Variants in MB21D2 observed in about 807,000 individuals in gnomAD.
The protein encoded by MB21D2 is Mab-21 domain containing 2.
MB21D2 carries 9 observed loss-of-function variants against 33.3 expected under a neutral mutation model. That is an observed-to-expected ratio of 0.27 (90% confidence interval 0.16 to 0.47). MB21D2 has a LOEUF of 0.47. Ranked by LOEUF, MB21D2 falls within the 20% of genes least tolerant of loss-of-function variation. The pLI, the probability that MB21D2 is intolerant of heterozygous loss-of-function variation, is 0.99. For missense variants in MB21D2, 540 were observed against 624.6 expected (o/e 0.86, Z 1.44); for synonymous variants, 241 against 236.3 (o/e 1.02, Z -0.18).
At chr3:192,871,822 G>C (rs553984395) in intron 1 of MB21D2, among the ~76,000 whole-genome samples, 1 of 152,020 alleles carries the variant, frequency 6.6e-6, no homozygotes, top group African/African-American at 2.4e-5. Flanking sequence ...GACATGATGG[G>C]GACAACACTG....
chr3:192,798,619 T>C lies in MB21D2; in HGVS notation c.1243A>G (p.Ile415Val), dbSNP rs1720574231. ...SDPAEHLRTA[I>V]EHVKAANRLT... ...CGGTTGGCTGCCTTGACATGCTCAATGGCGGTGCGCAAGTGCTCTGCCGGG... is the reference window on the plus strand; with the variant it reads ...CGGTTGGCTGCCTTGACATGCTCAACGGCGGTGCGCAAGTGCTCTGCCGGG... Residue 415 changes from isoleucine (I) to valine (V), a missense_variant, in exon 2 of 2, where the codon ATT becomes GTT. Transcript: ENST00000392452. This position sits in a 1 kb window ranked among gnomAD's most constrained non-coding sequence, Gnocchi z 4.8. 1.2e-6 allele frequency: 2 copies of C among 1,613,984 alleles called. No homozygotes were observed. Among genetic ancestry groups the C allele is most frequent in the Non-Finnish European group, 1.7e-6 (2 of 1,180,026 alleles).
intron 1 of MB21D2, among the ~76,000 whole-genome samples, chr3:192,848,782 A>G (rs747915304): frequency 1.3e-5 from 2 of 152,224 alleles, no homozygotes; most frequent in South Asian, 2.1e-4. Context: ...CCTAGAACAA[A>G]TAAGACCCCA....
intron 1 of MB21D2, among the ~76,000 whole-genome samples, chr3:192,878,957 C>G (rs1256539426): frequency 1.3e-5 from 2 of 152,120 alleles, no homozygotes; most frequent in Non-Finnish European, 2.9e-5. Flanking sequence ...GAGGGACACT[C>G]TGTCTCTCAA....
intron 1 of MB21D2, among the ~76,000 whole-genome samples, chr3:192,854,134 G>A (rs1398327872): frequency 6.6e-6 from 1 of 152,246 alleles, no homozygotes; most frequent in African/African-American, 2.4e-5. Context: ...AAATGGTTAA[G>A]CTTAGTGAGG....
intron 1 of MB21D2, among the ~76,000 whole-genome samples, chr3:192,876,895 C>T (rs1713441055): frequency 6.6e-6 from 1 of 152,154 alleles, no homozygotes; most frequent in African/African-American, 2.4e-5. Context: ...CTATGTGCTC[C>T]TGTGGCACCC....
chr3:192,909,966 A>G (rs766161980), intron 1 of MB21D2, among the ~76,000 whole-genome samples: 59 of 132,256 alleles, frequency 4.5e-4, no homozygotes, highest in African/African-American at 7.3e-4. Context: ...AAAAAAAAGA[A>G]AGAGAGAGAG....
intron 1 of MB21D2, among the ~76,000 whole-genome samples, chr3:192,896,858 G>A (rs1713986068): frequency 6.6e-6 from 1 of 152,146 alleles, no homozygotes; most frequent in African/African-American, 2.4e-5. Context: ...GCTTATGGCT[G>A]TGGGACCCCC....
At chr3:192,858,373 C>T (rs1190683355) in intron 1 of MB21D2, among the ~76,000 whole-genome samples, 3 of 152,104 alleles carry the variant, frequency 2.0e-5, no homozygotes, top group Admixed American at 6.5e-5. Context: ...CTCATTCTCT[C>T]AATTTTTTCC....
intron 1 of MB21D2, among the ~76,000 whole-genome samples, chr3:192,874,304 CT>C (rs1194909282): frequency 2.0e-5 from 3 of 152,078 alleles, no homozygotes; most frequent in African/African-American, 7.2e-5. Context: ...GAATGAATGG[CT>C]GAACAAATGA....
rs113948091 is a variant in MB21D2 at position 192,877,984 on chromosome 3, A to G, written c.211+39646T>C. 7.7e-3 allele frequency among the ~76,000 whole-genome samples: 1,166 copies of G among 151,730 alleles called. 17 individuals are homozygous for G. Among genetic ancestry groups the G allele is most frequent in the African/African-American group, 0.027 (1,119 of 41,498 alleles). On this transcript the variant is annotated intron_variant, in intron 1 of 1. Transcript: ENST00000392452. The stretch of plus-strand genomic sequence containing the variant: ...GAACCTGTTATTGAAAAAGAAAAAA[A>G]AAAAAGAAAAAGAAACACTGAGAGG...
At chr3:192,818,320 T>C (rs1711971282) in intron 1 of MB21D2, among the ~76,000 whole-genome samples, 2 of 152,154 alleles carry the variant, frequency 1.3e-5, no homozygotes, top group Admixed American at 6.5e-5. Context: ...CACTGTAACA[T>C]GAACTGCTTG....
chr3:192,813,625 A>C (rs1390772155), intron 1 of MB21D2, among the ~76,000 whole-genome samples: 1 of 152,140 alleles, frequency 6.6e-6, no homozygotes, highest in African/African-American at 2.4e-5. Flanking sequence ...TAGAATTCTC[A>C]TTGTAGGGAT....
intron 1 of MB21D2, among the ~76,000 whole-genome samples, chr3:192,895,047 T>C (rs1713935352): frequency 7.0e-6 from 1 of 142,516 alleles, no homozygotes; most frequent in South Asian, 2.6e-4. Context: ...CAGCCAGTCC[T>C]ACACAGAAGC....
At chr3:192,899,162 G>T (rs568035822) in intron 1 of MB21D2, among the ~76,000 whole-genome samples, 4 of 152,332 alleles carry the variant, frequency 2.6e-5, no homozygotes, top group African/African-American at 9.6e-5. Flanking sequence ...TGGTAAAACG[G>T]AAGTGGTTAT....
chr3:192,816,693 C>T (rs1711933824), intron 1 of MB21D2, among the ~76,000 whole-genome samples: 1 of 152,048 alleles, frequency 6.6e-6, no homozygotes, highest in East Asian at 1.9e-4. Context: ...AGATTCACAG[C>T]TTTGAGGTGA....
chr3:192,843,601 G>A (rs369389197), intron 1 of MB21D2, among the ~76,000 whole-genome samples: 4 of 152,110 alleles, frequency 2.6e-5, no homozygotes, highest in East Asian at 1.9e-4. Flanking sequence ...AAACAGTGAC[G>A]TCTGTATACA....
intron 1 of MB21D2, among the ~76,000 whole-genome samples, chr3:192,899,070 GT>G (rs1399432757): frequency 6.6e-6 from 1 of 152,220 alleles, no homozygotes. Context: ...TGTTCAGAAT[GT>G]TTGTGTCTTT....
chr3:192,836,313 C>T (rs1440642332), intron 1 of MB21D2, among the ~76,000 whole-genome samples: 1 of 152,168 alleles, frequency 6.6e-6, no homozygotes, highest in African/African-American at 2.4e-5. Flanking sequence ...CCACCCCAAG[C>T]CATTGCGTCA....
Position 192,799,719 on chromosome 3 carries a change from CAG to C in MB21D2, c.212-71_212-70del. ...AGACATAAGAGTCTTATGCATGAAA[CAG>C]AATGCTCTGATGTTCCAAGAACCAA... On this transcript the variant is annotated intron_variant, in intron 1 of 1. Coordinates refer to ENST00000392452, the MANE Select transcript of MB21D2 (RefSeq NM_178496.4). The surrounding 1 kb of genome is among the most constrained non-coding windows in gnomAD (Gnocchi z 4.1). 4 of 1,475,118 alleles carry C rather than the reference CAG, an allele frequency of 2.7e-6. No individual in the cohort carries two copies. Among genetic ancestry groups the C allele is most frequent in the Non-Finnish European group, 3.6e-6 (4 of 1,108,604 alleles). The allele number at this position is 1,475,118 out of a possible 1,614,324, so 91.4% of individuals were successfully genotyped here.
Sources: allele counts gnomAD v4.1 joint callset (sites outside exome capture counted in the v4.1 genomes callset), GRCh38; gene constraint gnomAD v4.1.1; non-coding constraint Gnocchi (gnomAD v3.1); transcripts MANE v1.5; gene names NCBI Gene and HGNC (gene_info 2026-07-23, HGNC 2026-07-21).